The following GDAP1 variants were observed in gnomAD, a reference collection of about 807,000 sequenced individuals.
GDAP1 encodes the protein ganglioside-induced differentiation-associated protein 1.
GDAP1 carries 34 observed loss-of-function variants against 40.1 expected under a neutral mutation model. The ratio of observed to expected loss-of-function variants is 0.85; its 90% confidence interval spans 0.64 to 1.13. GDAP1 has a LOEUF of 1.13. Ranked by LOEUF, GDAP1 falls within the 50% of genes most tolerant of loss-of-function variation. The pLI is 0.00. For synonymous variants in GDAP1, 170 were observed against 157.4 expected (o/e 1.08, Z -0.60); for missense variants, 374 against 433.7 (o/e 0.86, Z 1.22).
At chr8:74,357,277 TAGGAAAG>T (rs1809146578) in intron 2 of GDAP1, among the ~76,000 whole-genome samples, 1 of 152,198 alleles carries the variant, frequency 6.6e-6, no homozygotes, top group African/African-American at 2.4e-5. Context: ...CTGCCTTTAC[TAGGAAAG>T]ATGGGTAACC....
chr8:74,385,940 G>C (rs187312044), intron 2 of GDAP1, among the ~76,000 whole-genome samples: 3 of 152,282 alleles, frequency 2.0e-5, no homozygotes, highest in Admixed American at 2.0e-4. Context: ...AATGAACAGT[G>C]ATGATGAGCT....
intron 2 of GDAP1, among the ~76,000 whole-genome samples, chr8:74,354,084 G>C (rs184304924): frequency 2.6e-5 from 4 of 152,242 alleles, no homozygotes; most frequent in Admixed American, 2.6e-4. Flanking sequence ...CTAGAAGATT[G>C]TAACGCACAT....
At position 74,392,750 on chromosome 8, in the gene GDAP1, G is replaced by C. The variant is rs566103640; in HGVS notation, c.165+41429G>C. On this transcript the variant is annotated intron_variant, in intron 2 of 2. Coordinates refer to the GDAP1 transcript ENST00000523640. ...CAGAGTGATTTATGCCATAGAGAGG[G>C]CAACACAAATCTCAGTTTTCCCCAA... Among the ~76,000 whole-genome samples, 5 of 152,132 alleles carry C rather than the reference G, an allele frequency of 3.3e-5. 1 individual carries two copies. The highest frequency in any genetic ancestry group is 3.3e-4 in the Admixed American group (5 of 15,276).
At chr8:74,422,479 T>G (rs13271288) in intron 2 of GDAP1, among the ~76,000 whole-genome samples, 35,159 of 113,446 alleles carry the variant, frequency 0.31, 6,413 homozygotes, top group African/African-American at 0.48. Context: ...CCTTCCTCCC[T>G]CCCTCCCTCC....
intron 2 of GDAP1, among the ~76,000 whole-genome samples, chr8:74,463,503 A>G (rs1221605902): frequency 2.4e-4 from 37 of 151,956 alleles, no homozygotes; most frequent in Non-Finnish European, 1.5e-5. Flanking sequence ...GGTGCTACAC[A>G]ATATGCTGGA....
At position 74,453,265 on chromosome 8, in the gene GDAP1, T is replaced by C. The variant is rs1806305872; in HGVS notation, c.166-35413T>C. Among the ~76,000 whole-genome samples the C allele has an allele frequency of 2.4e-5, 2 of 84,760 alleles. 1 individual carries two copies. Among genetic ancestry groups the C allele is most frequent in the African/African-American group, 1.0e-4 (2 of 19,554 alleles). The allele number at this position is 84,760 out of a possible 152,430, so 55.6% of individuals were successfully genotyped here. The stretch of plus-strand genomic sequence containing the variant: ...TAAATGGAAACACAGTTCTATTGGA[T>C]ATTTTATTGGGAAATCTTAAAAAAG... On this transcript the variant is annotated intron_variant, in intron 2 of 2. Transcript: ENST00000523640.
intron 2 of GDAP1, among the ~76,000 whole-genome samples, chr8:74,421,327 T>C (rs994194934): frequency 6.6e-6 from 1 of 152,158 alleles, no homozygotes; most frequent in Non-Finnish European, 1.5e-5. Flanking sequence ...AGGTTCTTTT[T>C]TTTTTCCCTA....
chr8:74,426,015 A>T (rs1344144100), intron 2 of GDAP1, among the ~76,000 whole-genome samples: 4 of 152,208 alleles, frequency 2.6e-5, no homozygotes, highest in African/African-American at 9.6e-5. Context: ...TATGTTAATT[A>T]TTGAAATCCT....
chr8:74,473,940 A>C (rs1806594211), intron 2 of GDAP1, among the ~76,000 whole-genome samples: 1 of 152,220 alleles, frequency 6.6e-6, no homozygotes, highest in Non-Finnish European at 1.5e-5. Flanking sequence ...ATCCATGCAC[A>C]TGGAATATTT....
chr8:74,378,975 G>T (rs542521833), intron 2 of GDAP1, among the ~76,000 whole-genome samples: 60 of 152,272 alleles, frequency 3.9e-4, no homozygotes, highest in African/African-American at 1.3e-3. Context: ...ATAGTCCCTG[G>T]TCCTTGGAGT....
downstream of GDAP1, among the ~76,000 whole-genome samples, chr8:74,367,393 C>T (rs999744888): frequency 2.6e-5 from 4 of 152,076 alleles, no homozygotes; most frequent in Non-Finnish European, 5.9e-5. Flanking sequence ...TCATTTTGCA[C>T]TGAACAAAGC....
At chr8:74,428,876 C>G (rs1805989748) in intron 2 of GDAP1, among the ~76,000 whole-genome samples, 1 of 145,446 alleles carries the variant, frequency 6.9e-6, no homozygotes, top group Admixed American at 6.9e-5. Context: ...CCCCCGACCC[C>G]ACAACAGGCC....
intron 2 of GDAP1, among the ~76,000 whole-genome samples, chr8:74,381,132 T>A (rs10097688): frequency 6.6e-6 from 1 of 151,928 alleles, no homozygotes. Flanking sequence ...AGTGTATTCA[T>A]AGTCAAAATT....
intron 2 of GDAP1, among the ~76,000 whole-genome samples, chr8:74,487,576 C>A (rs1479447641): frequency 6.6e-6 from 1 of 152,070 alleles, no homozygotes; most frequent in Non-Finnish European, 1.5e-5. Flanking sequence ...ATGGGCTTGG[C>A]AGGGGTAGAC....
intron 2 of GDAP1, among the ~76,000 whole-genome samples, chr8:74,384,216 C>T (rs895237330): frequency 3.3e-5 from 5 of 151,934 alleles, no homozygotes; most frequent in Admixed American, 1.3e-4. Flanking sequence ...TGTGTGTTCA[C>T]GCCTCTTGTA....
chr8:74,447,132 T>C (rs1806239418), intron 2 of GDAP1, among the ~76,000 whole-genome samples: 1 of 152,146 alleles, frequency 6.6e-6, no homozygotes, highest in Non-Finnish European at 1.5e-5. Flanking sequence ...AATTCAGGTA[T>C]AAATTAATAG....
intron 2 of GDAP1, among the ~76,000 whole-genome samples, chr8:74,384,110 T>C (rs1741959502): frequency 6.6e-6 from 1 of 152,240 alleles, no homozygotes; most frequent in Non-Finnish European, 1.5e-5. Flanking sequence ...ACTGCTTGCT[T>C]TTTAAAACAT....
rs112716341 is a variant in GDAP1, at chr8:74,487,322, A to G, written c.166-1356A>G. Among the ~76,000 whole-genome samples, 5 of 152,254 alleles carry G rather than the reference A, an allele frequency of 3.3e-5. 1 individual carries two copies. The highest frequency in any genetic ancestry group is 9.6e-5 in the African/African-American group (4 of 41,558). ...CAAAGTGAGGGAAATAGGAAAACTA[A>G]GATATATTATTATTTTTCTAAAACA... On this transcript the variant is annotated intron_variant, in intron 2 of 2. Transcript: ENST00000523640.
Position 74,382,389 on chromosome 8 carries a change from T to TTTTC in GDAP1, c.165+31068_165+31069insTTTC, listed in dbSNP as rs5892457. Among the ~76,000 whole-genome samples the TTTTC allele has an allele frequency of 2.4e-4, 36 of 148,828 alleles. 1 individual carries two copies. Among genetic ancestry groups the TTTTC allele is most frequent in the African/African-American group, 4.6e-4 (19 of 41,052 alleles). ...TCATTGCTAGTGGTTTTTTTTTTTT[T>TTTTC]CTAGATCTTTTCAGTGGCTAGAACT... is the stretch of plus-strand genomic sequence containing the variant. On this transcript the variant is annotated intron_variant, in intron 2 of 2. Coordinates refer to the GDAP1 transcript ENST00000523640.
Sources: allele counts gnomAD v4.1 joint callset (sites outside exome capture counted in the v4.1 genomes callset), GRCh38; gene constraint gnomAD v4.1.1; transcripts MANE v1.5; gene names NCBI Gene and HGNC (gene_info 2026-07-23, HGNC 2026-07-21).